The following MYO1E variants were observed in gnomAD, a reference collection of about 807,000 sequenced individuals.
The protein encoded by MYO1E is myosin IE, also known as unconventional myosin-Ie.
In MYO1E, 68 loss-of-function variants were observed where a neutral mutation model predicts 151.1. The ratio of observed to expected loss-of-function variants is 0.45; its 90% CI spans 0.37 to 0.55. The LOEUF (loss-of-function observed/expected upper bound fraction) is 0.55. Ranked by LOEUF, MYO1E falls within the 20% of genes least tolerant of loss-of-function variation. The pLI is 0.00. For missense variants in MYO1E, 1,363 were observed against 1,389.3 expected, an observed-to-expected ratio of 0.98 and a Z score of 0.30; for synonymous variants, 601 against 501.7, an observed-to-expected ratio of 1.20 and a Z score of -2.64.
rs748560935 is a variant in MYO1E, at chr15:59,163,263, A to G, written c.2521T>C (p.Tyr841His). The G allele has an allele frequency of 7.4e-6, 12 of 1,613,662 alleles. No homozygotes were observed. Among genetic ancestry groups the G allele is most frequent in the Non-Finnish European group, 8.5e-6 (10 of 1,179,584 alleles). The change falls in exon 23 of 28, where the codon TAT becomes CAT. Residue 841 changes from tyrosine (Y) to histidine (H), a missense_variant. Coordinates refer to ENST00000288235, the MANE Select transcript of MYO1E (RefSeq NM_004998.4). ...AAGACAGATTCAAGCAAACTGTCAT[A>G]CTCTTGCTCATGGAGAATAAAAATG... ...DDIFILHEQE[Y>H]DSLLESVFKT... is the part of the protein sequence containing the mutation.
intron 1 of MYO1E, among the ~76,000 whole-genome samples, chr15:59,331,153 A>AGACT (rs2034281844): frequency 1.3e-5 from 2 of 152,192 alleles, no homozygotes; most frequent in African/African-American, 4.8e-5. Context: ...GCTGTGACAG[A>AGACT]GACTGTATGG....
At chr15:59,362,973 TTTC>T (rs1392096863) in intron 1 of MYO1E, among the ~76,000 whole-genome samples, 2 of 91,516 alleles carry the variant, frequency 2.2e-5, no homozygotes, top group African/African-American at 3.2e-5. Flanking sequence ...CTAGTATGAC[TTTC>T]TTTTTTTTTT....
At chr15:59,208,308 G>A in intron 14 of MYO1E, 1 of 567,600 alleles carries the variant, frequency 1.8e-6, no homozygotes, top group Non-Finnish European at 3.1e-6. Flanking sequence ...TGATGTAGCA[G>A]CACTTGCCAT....
chr15:59,331,474 T>C (rs2080697586), intron 1 of MYO1E, among the ~76,000 whole-genome samples: 1 of 151,786 alleles, frequency 6.6e-6, no homozygotes, highest in Non-Finnish European at 1.5e-5. Flanking sequence ...ATATTTCAGA[T>C]GAGATGGGAG....
At chr15:59,215,127 A>T (rs183171644) in intron 10 of MYO1E, among the ~76,000 whole-genome samples, 3 of 152,318 alleles carry the variant, frequency 2.0e-5, no homozygotes, top group Admixed American at 2.0e-4. Flanking sequence ...CAGTCATTTA[A>T]TGATGACCCA....
chr15:59,303,243 C>A (rs1490669032), intron 1 of MYO1E, among the ~76,000 whole-genome samples: 3 of 152,176 alleles, frequency 2.0e-5, no homozygotes, highest in Non-Finnish European at 4.4e-5. Context: ...GAAACCCTGT[C>A]TCTACCAAAA....
chr15:59,170,693 G>A (rs1201124100), intron 22 of MYO1E, among the ~76,000 whole-genome samples: 1 of 152,070 alleles, frequency 6.6e-6, no homozygotes. Flanking sequence ...ATCCTGAGTT[G>A]GCACGTTTTA....
In MYO1E at chr15:59,308,222, CAAAAAAAAAAAAAAAAAA is replaced by C. The variant is rs1189618865; in HGVS notation, c.4-35791_4-35774del. Among the ~76,000 whole-genome samples, 4 of 48,510 alleles carry C rather than the reference CAAAAAAAAAAAAAAAAAA, an allele frequency of 8.2e-5. No individual in the cohort carries two copies. The Admixed American group carries it at 1.2e-3, about 15-fold the overall frequency. The allele number at this position is 48,510 out of a possible 152,430, so 31.8% of individuals were successfully genotyped here. On this transcript the variant is annotated intron_variant, in intron 1 of 27. Coordinates refer to ENST00000288235, the MANE Select transcript of MYO1E (RefSeq NM_004998.4). Reference sequence around the variant, plus strand: ...TGGGTGACAGAGTGAGACTCTGTCTCAAAAAAAAAAAAAAAAAAAAAAAAAAAAATAGGCTGGGCATGG... The same window carrying C: ...TGGGTGACAGAGTGAGACTCTGTCTCAAAAAAAAAAATAGGCTGGGCATGG...
chr15:59,265,780 A>G (rs1445693970), intron 2 of MYO1E, among the ~76,000 whole-genome samples: 1 of 129,682 alleles, frequency 7.7e-6, no homozygotes, highest in Non-Finnish European at 1.6e-5. Context: ...ATATACTGAG[A>G]CCCCATCTCC....
intron 1 of MYO1E, among the ~76,000 whole-genome samples, chr15:59,275,539 T>C (rs891361696): frequency 6.6e-6 from 1 of 152,162 alleles, no homozygotes; most frequent in Non-Finnish European, 1.5e-5. Context: ...ATTTTACTGC[T>C]GAAAAAACTG....
intron 15 of MYO1E, among the ~76,000 whole-genome samples, 192 bp from the exon 16 acceptor site, chr15:59,202,599 G>C (rs1000171152): frequency 5.9e-5 from 9 of 152,100 alleles, no homozygotes; most frequent in African/African-American, 2.2e-4. Context: ...AGTCATGAAG[G>C]GAAAGAATTC....
rs1390360138 is a variant in MYO1E, at chr15:59,136,149, G to A, written c.*1231C>T. ...ACATGGTCTTTCCTCTGGCATGTTG[G>A]TCTCTGTGTCCAAATTTCCCCTTTT... On this transcript the variant is annotated 3_prime_UTR_variant, in exon 28 of 28. Transcript: ENST00000288235. 1.3e-5 allele frequency: 2 copies of A among 152,486 alleles called. No individual in the cohort carries two copies. The highest frequency in any genetic ancestry group is 2.9e-5 in the Non-Finnish European group (2 of 68,282). The allele number at this position is 152,486 out of a possible 1,614,324, so 9.4% of individuals were successfully genotyped here.
chr15:59,364,495 T>TATA (rs1178621308), intron 1 of MYO1E, among the ~76,000 whole-genome samples: 1 of 152,234 alleles, frequency 6.6e-6, no homozygotes, highest in Non-Finnish European at 1.5e-5. Context: ...TACATGGGAT[T>TATA]ATAATACTGC....
At chr15:59,285,449 C>T (rs956748339) in intron 1 of MYO1E, among the ~76,000 whole-genome samples, 2 of 151,294 alleles carry the variant, frequency 1.3e-5, no homozygotes, top group Admixed American at 6.6e-5. Flanking sequence ...CCTCTGCCCC[C>T]CGGCTTCACG....
At chr15:59,318,123 TG>T (rs1411961070) in intron 1 of MYO1E, among the ~76,000 whole-genome samples, 1 of 152,196 alleles carries the variant, frequency 6.6e-6, no homozygotes, top group Non-Finnish European at 1.5e-5. Context: ...TGAGTGCATG[TG>T]GTCACCACAT....
intron 1 of MYO1E, among the ~76,000 whole-genome samples, chr15:59,303,687 G>C (rs1596408392): frequency 6.6e-6 from 1 of 152,232 alleles, no homozygotes; most frequent in Non-Finnish European, 1.5e-5. Context: ...TAGTGGCACT[G>C]AAGTGTGATC....
intron 13 of MYO1E, among the ~76,000 whole-genome samples, chr15:59,209,658 C>T (rs1055866496): frequency 6.6e-6 from 1 of 151,404 alleles, no homozygotes; most frequent in Non-Finnish European, 1.5e-5. Flanking sequence ...CCTGGGCAAC[C>T]GAGCGAGACG....
At chr15:59,199,684 AT>A (rs2079789069) in intron 16 of MYO1E, among the ~76,000 whole-genome samples, 1 of 152,216 alleles carries the variant, frequency 6.6e-6, no homozygotes, top group Non-Finnish European at 1.5e-5. Context: ...ATCAGTTTAA[AT>A]TTTTAAATAA....
intron 1 of MYO1E, among the ~76,000 whole-genome samples, chr15:59,346,914 C>G (rs1284704186): frequency 2.1e-5 from 3 of 140,736 alleles, no homozygotes; most frequent in African/African-American, 8.9e-5. Flanking sequence ...GAGACCTTGT[C>G]TCCCAAAAAG....
Sources: gnomAD v4.1 joint callset for allele counts (sites outside exome capture counted in the v4.1 genomes callset) on GRCh38, gnomAD v4.1.1 for gene constraint, MANE v1.5 for transcripts, NCBI Gene and HGNC (gene_info 2026-07-23, HGNC 2026-07-21) for gene names.